The following PDE7A variants were observed in gnomAD, a reference collection of about 807,000 sequenced individuals.
PDE7A encodes high affinity 3',5'-cyclic-AMP phosphodiesterase 7A.
PDE7A carries 39 observed loss-of-function variants against 64.3 expected under a neutral mutation model. The ratio of observed to expected loss-of-function variants is 0.61; its 90% confidence interval spans 0.47 to 0.79. PDE7A has a LOEUF of 0.79. PDE7A is among the 30% of genes least tolerant of loss of function. The pLI is 0.00. For missense variants in PDE7A, 470 were observed against 582.8 expected (o/e 0.81, Z 1.99); for synonymous variants, 203 against 206.8 (o/e 0.98, Z 0.16).
Position 65,745,417 on chromosome 8 carries a change from T to G in PDE7A, c.489A>C (p.Arg163Ser). ...NWNFDIFLFD[R>S]LTNGNSLVSL... ...AAATTCTTCACTTACCATTTGTTAG[T>G]CTATCAAATAGAAAGATATCAAAAT... Residue 163 changes from arginine to serine, a missense_variant, in exon 5 of 13, where the codon AGA (arginine) becomes AGC (serine). Transcript: ENST00000401827. The G allele has an allele frequency of 6.5e-7, 1 of 1,548,704 alleles. No individual in the cohort carries two copies. The highest frequency in any genetic ancestry group is 1.1e-5 in the South Asian group (1 of 89,726).
intron 7 of PDE7A, among the ~76,000 whole-genome samples, chr8:65,733,133 T>C (rs887709427): frequency 3.9e-5 from 6 of 152,182 alleles, no homozygotes; most frequent in Non-Finnish European, 8.8e-5. Flanking sequence ...ACTGAGTATG[T>C]TAAGGATGAA....
Position 65,716,174 on chromosome 8 carries a change from A to G in PDE7A, c.*3116T>C, listed in dbSNP as rs1806138249. On this transcript the variant is annotated 3_prime_UTR_variant, in exon 13 of 13. Coordinates refer to ENST00000401827, the MANE Select transcript of PDE7A (RefSeq NM_001242318.3). Reference sequence around the variant, plus strand: ...AAAAAAAAAAAAAAACAAAAGGGCTATAGAAGGTGATTCCCACATATACAT... The same window carrying G: ...AAAAAAAAAAAAAAACAAAAGGGCTGTAGAAGGTGATTCCCACATATACAT... 6.6e-6 allele frequency among the ~76,000 whole-genome samples: 1 copy of G among 150,886 alleles called. No homozygotes were observed. The highest frequency in any genetic ancestry group is 2.1e-4 in the South Asian group (1 of 4,764).
At chr8:65,786,060 GA>G (rs1809548764) in intron 1 of PDE7A, among the ~76,000 whole-genome samples, 1 of 152,106 alleles carries the variant, frequency 6.6e-6, no homozygotes, top group African/African-American at 2.4e-5. Flanking sequence ...CTCATTTATA[GA>G]AGCACTAATT....
intron 7 of PDE7A, among the ~76,000 whole-genome samples, chr8:65,730,171 C>CTTTTTTTTTTTTTTTTTTTTT (rs1179431555): frequency 1.3e-4 from 11 of 86,446 alleles, no homozygotes; most frequent in Non-Finnish European, 1.3e-4. Context: ...TTGCGCACTT[C>CTTTTTTTTTTTTTTTTTTTTT]TTTTTTTTTT....
intron 3 of PDE7A, among the ~76,000 whole-genome samples, chr8:65,769,981 A>G (rs1808997717): frequency 6.6e-6 from 1 of 151,412 alleles, no homozygotes; most frequent in Non-Finnish European, 1.5e-5. Flanking sequence ...GAATAATTTC[A>G]TAATACCATA....
chr8:65,740,908 T>C (rs188945416), intron 5 of PDE7A, among the ~76,000 whole-genome samples: 22 of 152,302 alleles, frequency 1.4e-4, no homozygotes, highest in Non-Finnish European at 2.5e-4. Context: ...CCCTCCAGTT[T>C]CACCTGCTCC....
chr8:65,779,247 T>C (rs1585911257), intron 3 of PDE7A, among the ~76,000 whole-genome samples: 1 of 152,152 alleles, frequency 6.6e-6, no homozygotes, highest in South Asian at 2.1e-4. Context: ...TTTTCCCCTT[T>C]CCCTCCACTA....
intron 1 of PDE7A, among the ~76,000 whole-genome samples, chr8:65,840,989 G>T (rs1025669414): frequency 6.6e-6 from 1 of 152,360 alleles, no homozygotes; most frequent in Non-Finnish European, 1.5e-5. Context: ...TGGGAAGGGG[G>T]ACAGGTATGT....
intron 1 of PDE7A, among the ~76,000 whole-genome samples, chr8:65,839,175 T>G (rs777987275): frequency 6.6e-6 from 1 of 152,074 alleles, no homozygotes; most frequent in Non-Finnish European, 1.5e-5. Flanking sequence ...GTTTTAAGCA[T>G]ATTTTAAAGT....
chr8:65,824,256 T>C (rs1810612461), intron 1 of PDE7A, among the ~76,000 whole-genome samples: 1 of 152,222 alleles, frequency 6.6e-6, no homozygotes, highest in Non-Finnish European at 1.5e-5. Flanking sequence ...GATACTATTG[T>C]AATTGTCTGG....
At chr8:65,756,436 TTCTC>T (rs755225437) in intron 3 of PDE7A, among the ~76,000 whole-genome samples, 18 of 152,160 alleles carry the variant, frequency 1.2e-4, no homozygotes, top group East Asian at 3.8e-4. Context: ...TCTCTTTTTT[TTCTC>T]TCTCTCTTTC....
At chr8:65,743,214 ATT>A (rs1264393922) in intron 5 of PDE7A, among the ~76,000 whole-genome samples, 1 of 152,154 alleles carries the variant, frequency 6.6e-6, no homozygotes, top group East Asian at 1.9e-4. Context: ...CTAAAATAAT[ATT>A]TGTGTTAAGT....
intron 1 of PDE7A, among the ~76,000 whole-genome samples, chr8:65,801,489 G>A (rs1290081557): frequency 6.6e-6 from 1 of 151,990 alleles, no homozygotes; most frequent in African/African-American, 2.4e-5. Context: ...AACCTCATGG[G>A]TCAATGGAAC....
chr8:65,716,278 T>C lies in PDE7A; in HGVS notation c.*3012A>G, dbSNP rs1173230811. 6.6e-6 allele frequency among the ~76,000 whole-genome samples: 1 copy of C among 152,068 alleles called. No homozygotes were observed. Among genetic ancestry groups the C allele is most frequent in the Non-Finnish European group, 1.5e-5 (1 of 68,004 alleles). Reference sequence around the variant, plus strand: ...CACACCCACAGTTCCCCTGAGAATGTGGAAATAGGATGATCTTTTCAGTTT... The same window carrying C: ...CACACCCACAGTTCCCCTGAGAATGCGGAAATAGGATGATCTTTTCAGTTT... On this transcript the variant is annotated 3_prime_UTR_variant, in exon 13 of 13. Coordinates refer to ENST00000401827, the MANE Select transcript of PDE7A (RefSeq NM_001242318.3).
rs551816352 is a variant in PDE7A at position 65,737,490 on chromosome 8, A to G, written c.595+2012T>C. ...TAGATAAAGCAGTTGCAGATTAGCAAAAATGGTTATATTAATTATTATTAT... is the reference window on the plus strand; with the variant it reads ...TAGATAAAGCAGTTGCAGATTAGCAGAAATGGTTATATTAATTATTATTAT... On this transcript the variant is annotated intron_variant, in intron 6 of 12. Transcript: ENST00000401827. Among the ~76,000 whole-genome samples, 527 of 152,252 alleles carry G rather than the reference A, an allele frequency of 3.5e-3. 3 individuals are homozygous for G. Among genetic ancestry groups the G allele is most frequent in the Middle Eastern group, 6.8e-3 (2 of 294 alleles).
At chr8:65,838,028 C>T (rs1810990923) in intron 1 of PDE7A, among the ~76,000 whole-genome samples, 1 of 146,698 alleles carries the variant, frequency 6.8e-6, no homozygotes, top group African/African-American at 2.5e-5. Flanking sequence ...TGAAATATTT[C>T]TTAAAAAAAA....
chr8:65,739,379 A>T, intron 6 of PDE7A, 123 bp downstream of exon 6: 1 of 1,107,070 alleles, frequency 9.0e-7, no homozygotes, highest in Non-Finnish European at 1.2e-6. Context: ...GTGTTGTTTT[A>T]AGCCACTAAT....
At chr8:65,757,073 T>C (rs576965429) in intron 3 of PDE7A, among the ~76,000 whole-genome samples, 80 of 152,278 alleles carry the variant, frequency 5.3e-4, no homozygotes, top group African/African-American at 1.9e-3. Context: ...TGCGGTCCTC[T>C]TGGGTTTTTA....
chr8:65,721,235 C>T (rs1008688093), intron 12 of PDE7A, among the ~76,000 whole-genome samples: 6 of 152,294 alleles, frequency 3.9e-5, no homozygotes, highest in East Asian at 1.9e-4. Flanking sequence ...TTTCACAGGA[C>T]GCCTTGTCAA....
Sources: allele counts gnomAD v4.1 joint callset (sites outside exome capture counted in the v4.1 genomes callset), GRCh38; gene constraint gnomAD v4.1.1; transcripts MANE v1.5; gene names NCBI Gene and HGNC (gene_info 2026-07-23, HGNC 2026-07-21).